The following DLG5 variants were observed in gnomAD, a reference collection of about 807,000 sequenced individuals.
DLG5 encodes the protein disks large homolog 5.
In DLG5, 48 loss-of-function variants were observed where a neutral mutation model predicts 189.8. The ratio of observed to expected loss-of-function variants is 0.25; its 90% CI spans 0.20 to 0.32. DLG5 has a LOEUF of 0.32. DLG5 is among the 10% of genes least tolerant of loss of function. DLG5 has a pLI of 1.00. For synonymous variants in DLG5, 1,016 were observed against 1,054.1 expected (o/e 0.96, Z 0.70); for missense variants, 2,160 against 2,544.7 (o/e 0.85, Z 3.25).
At chr10:77,902,064 C>T (rs1845943150) in intron 1 of DLG5, among the ~76,000 whole-genome samples, 1 of 152,234 alleles carries the variant, frequency 6.6e-6, no homozygotes, top group Non-Finnish European at 1.5e-5. Flanking sequence ...CCGAGCTGCA[C>T]TCACACCACA....
At chr10:77,872,651 T>C (rs763403579) in intron 1 of DLG5, among the ~76,000 whole-genome samples, 1 of 152,152 alleles carries the variant, frequency 6.6e-6, no homozygotes, top group Non-Finnish European at 1.5e-5. Flanking sequence ...TCTGCGGTTA[T>C]TGTTGTCCTA....
intron 1 of DLG5, among the ~76,000 whole-genome samples, chr10:77,887,959 C>T (rs1276841142): frequency 3.3e-5 from 5 of 152,142 alleles, no homozygotes; most frequent in East Asian, 1.9e-4. Flanking sequence ...AGTTCCACAC[C>T]GAGCTGCCAT....
At chr10:77,793,707 G>T (rs1183018574) in intron 31 of DLG5, 2 of 400,570 alleles carry the variant, frequency 5.0e-6, no homozygotes, top group Admixed American at 8.2e-5. Flanking sequence ...TGGGGACACT[G>T]TGGCTGCACT....
chr10:77,913,627 C>A (rs1179818019), intron 1 of DLG5, among the ~76,000 whole-genome samples: 1 of 152,138 alleles, frequency 6.6e-6, no homozygotes, highest in Non-Finnish European at 1.5e-5. Context: ...CTGGCTCTGT[C>A]TCCCAGGCTG....
At chr10:77,840,434 G>T (rs1022402629) in intron 7 of DLG5, among the ~76,000 whole-genome samples, 1 of 152,024 alleles carries the variant, frequency 6.6e-6, no homozygotes, top group Non-Finnish European at 1.5e-5. Flanking sequence ...CAGGCACAGT[G>T]GCTCACCAGG....
chr10:77,890,808 T>G (rs956294066), intron 1 of DLG5, among the ~76,000 whole-genome samples: 3 of 152,138 alleles, frequency 2.0e-5, no homozygotes, highest in African/African-American at 7.2e-5. Context: ...AGCCCAGCCC[T>G]GTACCATCTC....
chr10:77,827,058 G>A (rs1842672446), intron 13 of DLG5, among the ~76,000 whole-genome samples: 1 of 152,164 alleles, frequency 6.6e-6, no homozygotes, highest in Non-Finnish European at 1.5e-5. Context: ...TACATGTTTT[G>A]AAAGTGTCTG....
At chr10:77,885,345 C>G (rs1309100683) in intron 1 of DLG5, among the ~76,000 whole-genome samples, 3 of 152,174 alleles carry the variant, frequency 2.0e-5, no homozygotes, top group Non-Finnish European at 4.4e-5. Context: ...TGCCCCAAGT[C>G]AACCACAGAA....
At chr10:77,866,863 A>C in intron 2 of DLG5, 1 of 414,320 alleles carries the variant, frequency 2.4e-6, no homozygotes, top group East Asian at 7.1e-5. Flanking sequence ...CCTGCACCCA[A>C]AGGACAATGG....
In DLG5 at chr10:77,821,195, C is replaced by T; in HGVS notation, c.3289G>A (p.Asp1097Asn). 6.2e-7 allele frequency: 1 copy of T among 1,614,136 alleles called. No homozygotes were observed. Residue 1097 changes from aspartate (D) to asparagine (N), a missense_variant, in exon 15 of 32, where the codon GAC becomes AAC. By Grantham distance (23) the Asp-to-Asn change is conservative. This residue lies in a region of DLG5 where 754 missense variants were observed against 746.5 expected (regional missense o/e 1.01). Coordinates refer to ENST00000372391, the MANE Select transcript of DLG5 (RefSeq NM_004747.4). ...TCATCCACCTTCTGGGAGGTGAGGT[C>T]CTCATCACAGGATTTCTTGGCCGGC... ...HLPAKKSCDE[D>N]LTSQKVDELG...
intron 27 of DLG5, 91 bp downstream of exon 27, chr10:77,805,572 ACT>A (rs1373597441): frequency 5.7e-6 from 8 of 1,393,150 alleles, no homozygotes; most frequent in African/African-American, 4.4e-5. Flanking sequence ...GCAAAGTAAG[ACT>A]CTCTTTTGTT....
rs200091104 is a variant in DLG5, at chr10:77,819,937, G to A, written c.3484C>T (p.Arg1162Trp). 4.4e-5 allele frequency: 70 copies of A among 1,607,428 alleles called. No homozygotes were observed. In the East Asian group the frequency reaches 5.6e-4, roughly 13 times the overall value. The change falls in exon 16 of 32, where the codon CGG becomes TGG. Residue 1162 changes from arginine (R) to tryptophan (W), a missense_variant. Around this residue, in one of 5 missense-constraint regions of DLG5, gnomAD observed 754 missense variants for 746.5 expected, o/e 1.01. Coordinates refer to ENST00000372391, the MANE Select transcript of DLG5 (RefSeq NM_004747.4). ...WAPYSPGHSS[R>W]HSNPPLYPSR... ...GGGTATAGCGGGGGGTTGCTGTGCC[G>A]GCTGGAATGCCCAGGCGAGTAAGGT...
chr10:77,815,060 C>T (rs964909382), intron 20 of DLG5, among the ~76,000 whole-genome samples: 1 of 152,050 alleles, frequency 6.6e-6, no homozygotes, highest in African/African-American at 2.4e-5. Context: ...GGAGCAGGTC[C>T]TGGCTCTCCG....
chr10:77,938,605 G>A, the DLG5 span, among the ~76,000 whole-genome samples: 2 of 152,098 alleles, frequency 1.3e-5, no homozygotes, highest in African/African-American at 4.8e-5. Flanking sequence ...TATCTCTAGG[G>A]TAAATATAAC....
At position 77,804,975 on chromosome 10, in the gene DLG5, TTTAA is replaced by T. The variant is rs1372476690; in HGVS notation, c.5164+686_5164+689del. 2.0e-5 allele frequency among the ~76,000 whole-genome samples: 3 copies of T among 152,230 alleles called. No individual in the cohort carries two copies. The East Asian group carries it at 5.8e-4, about 29-fold the overall frequency. On this transcript the variant is annotated intron_variant, in intron 27 of 31. Transcript: ENST00000372391. ...ACCCAGCTAAAACATGCCTTTTCTT[TTTAA>T]TTATTTTTTGAGACAGGATCTTGCT...
intron 1 of DLG5, among the ~76,000 whole-genome samples, chr10:77,891,191 C>A (rs1040599506): frequency 1.3e-5 from 2 of 152,202 alleles, no homozygotes; most frequent in Non-Finnish European, 2.9e-5. Context: ...CTAGGCCTGG[C>A]TTCACCTATG....
intron 1 of DLG5, among the ~76,000 whole-genome samples, chr10:77,896,952 A>T (rs1845778191): frequency 6.6e-6 from 1 of 152,196 alleles, no homozygotes; most frequent in African/African-American, 2.4e-5. Flanking sequence ...TCAGAGAAAG[A>T]AAGTATCATT....
At chr10:77,852,613 C>T (rs1379062401) in intron 5 of DLG5, among the ~76,000 whole-genome samples, 1 of 151,986 alleles carries the variant, frequency 6.6e-6, no homozygotes, top group Non-Finnish European at 1.5e-5. Context: ...GATGGGGTTT[C>T]GCCATGTTAG....
intron 8 of DLG5, among the ~76,000 whole-genome samples, chr10:77,835,173 C>T (rs11002309): frequency 0.28 from 41,815 of 152,022 alleles, 6,258 homozygotes; most frequent in Non-Finnish European, 0.34. Flanking sequence ...ATCTGCAATG[C>T]CCTTCCCCCT....
Sources: allele counts gnomAD v4.1 joint callset (sites outside exome capture counted in the v4.1 genomes callset), GRCh38; gene constraint gnomAD v4.1.1; regional missense constraint gnomAD v4.1.1; transcripts MANE v1.5; gene names NCBI Gene and HGNC (gene_info 2026-07-23, HGNC 2026-07-21).